Variants in HDAC9 observed in about 807,000 individuals in gnomAD.
HDAC9 encodes MEF-2 interacting transcription repressor (MITR) protein.
In HDAC9, 41 loss-of-function variants were observed where a neutral mutation model predicts 139.4. The observed-to-expected ratio is 0.29, with a 90% CI of 0.23 to 0.38. The LOEUF is 0.38. Ranked by LOEUF, HDAC9 falls within the 10% of genes least tolerant of loss-of-function variation. The pLI is 1.00. For synonymous variants in HDAC9, 517 were observed against 476.2 expected (o/e 1.09, Z -1.12); for missense variants, 1,147 against 1,297.0 (o/e 0.88, Z 1.78).
chr7:18,939,014 G>C (rs1340410886), intron 23 of HDAC9, among the ~76,000 whole-genome samples: 1 of 152,172 alleles, frequency 6.6e-6, no homozygotes, highest in East Asian at 1.9e-4. Context: ...TTTCCAGTAA[G>C]TGCTAACTGA....
intron 12 of HDAC9, chr7:18,667,725 A>G (rs1245845978): frequency 2.0e-6 from 2 of 984,598 alleles, no homozygotes; most frequent in East Asian, 1.1e-4. Context: ...ATAGTGCTTT[A>G]CTCTTTCTGT....
At chr7:18,322,136 T>C (rs1308912288) in intron 1 of HDAC9, among the ~76,000 whole-genome samples, 2 of 152,180 alleles carry the variant, frequency 1.3e-5, no homozygotes, top group Non-Finnish European at 2.9e-5. Context: ...TGTATTAAAG[T>C]AATCCCTTCT....
chr7:18,587,829 A>G (rs546633903), intron 3 of HDAC9, among the ~76,000 whole-genome samples: 2 of 152,348 alleles, frequency 1.3e-5, no homozygotes, highest in East Asian at 3.9e-4. Context: ...CATTCATGCA[A>G]TCTTTGATAA....
intron 1 of HDAC9, among the ~76,000 whole-genome samples, chr7:18,490,046 T>G (rs953770807): frequency 2.6e-5 from 4 of 152,086 alleles, no homozygotes; most frequent in African/African-American, 7.2e-5. Flanking sequence ...TTACCTAGCC[T>G]TACCTAGTCT....
intron 13 of HDAC9, among the ~76,000 whole-genome samples, chr7:18,737,116 C>T (rs1468817193): frequency 1.3e-5 from 2 of 151,258 alleles, no homozygotes; most frequent in Non-Finnish European, 2.9e-5. Flanking sequence ...CTATTTGATT[C>T]TTCTCTCTTT....
chr7:18,801,478 C>T (rs544893364), intron 17 of HDAC9, among the ~76,000 whole-genome samples: 1 of 151,944 alleles, frequency 6.6e-6, no homozygotes, highest in Non-Finnish European at 1.5e-5. Flanking sequence ...TATGCATTTC[C>T]ACATTTGGTT....
rs1012691362 is a variant in HDAC9 at position 18,261,886 on chromosome 7, A to C, written c.25+99537A>C. On this transcript the variant is annotated intron_variant, in intron 2 of 12. Transcript: ENST00000417496. ...ACATAAAATCATACAACTAAATGAA[A>C]ATCTCTCTTTCAATTCATTTTAACA... 3.3e-5 allele frequency among the ~76,000 whole-genome samples: 5 copies of C among 152,360 alleles called. No individual in the cohort carries two copies. In the Middle Eastern group the frequency reaches 0.01, roughly 311 times the overall value.
At chr7:18,733,716 G>A (rs191344699) in intron 13 of HDAC9, among the ~76,000 whole-genome samples, 9 of 151,462 alleles carry the variant, frequency 5.9e-5, no homozygotes, top group Admixed American at 6.6e-5. Context: ...TTTTTTTGGG[G>A]GTATGCTTTT....
intron 1 of HDAC9, among the ~76,000 whole-genome samples, chr7:18,144,920 T>C (rs1456385808): frequency 6.6e-6 from 1 of 152,252 alleles, no homozygotes; most frequent in Non-Finnish European, 1.5e-5. Flanking sequence ...TGTGATACTG[T>C]ATGTTTATTG....
rs1467321800 is a variant in HDAC9 at position 18,998,528 on chromosome 7, C to A, written c.*2466C>A. ...AGCATGTAGTTGTAAGAACAGAATG[C>A]CATTGCTTTTTGATTATACCATTAC... On this transcript the variant is annotated 3_prime_UTR_variant, in exon 26 of 26. Coordinates refer to ENST00000686413, the MANE Select transcript of HDAC9 (RefSeq NM_178425.4). The A allele has an allele frequency of 1.3e-5, 2 of 152,210 alleles. No individual in the cohort carries two copies. Among genetic ancestry groups the A allele is most frequent in the Non-Finnish European group, 2.9e-5 (2 of 68,048 alleles). 9.4% of individuals were successfully genotyped at this position (152,210 alleles called of 1,614,324 possible).
intron 11 of HDAC9, among the ~76,000 whole-genome samples, chr7:18,651,813 T>TA (rs1420144971): frequency 2.6e-5 from 4 of 152,152 alleles, no homozygotes; most frequent in African/African-American, 9.6e-5. Context: ...CTCTTACAGT[T>TA]ACGGTGTAAG....
At chr7:18,673,376 C>T (rs2129085042) in intron 12 of HDAC9, among the ~76,000 whole-genome samples, 1 of 152,100 alleles carries the variant, frequency 6.6e-6, no homozygotes, top group East Asian at 1.9e-4. Flanking sequence ...TTTGCTCTGT[C>T]CAAACTAGTA....
At chr7:18,945,540 G>C (rs1248901697) in intron 23 of HDAC9, among the ~76,000 whole-genome samples, 1 of 152,052 alleles carries the variant, frequency 6.6e-6, no homozygotes, top group African/African-American at 2.4e-5. Flanking sequence ...TTTGTAATCT[G>C]TTTAAGTATT....
chr7:18,811,311 A>C (rs915278929), intron 17 of HDAC9, among the ~76,000 whole-genome samples: 9 of 151,422 alleles, frequency 5.9e-5, no homozygotes, highest in African/African-American at 2.2e-4. Flanking sequence ...TTATTTTTCT[A>C]GTTTTCAAAG....
chr7:18,953,241 A>C (rs2389997), intron 23 of HDAC9, among the ~76,000 whole-genome samples: 62,874 of 151,886 alleles, frequency 0.41, 13,919 homozygotes, highest in African/African-American at 0.54. Flanking sequence ...TAGGAAAACT[A>C]CTTTTTTGTT....
At chr7:18,565,829 G>A (rs951677752) in intron 2 of HDAC9, among the ~76,000 whole-genome samples, 2 of 151,590 alleles carry the variant, frequency 1.3e-5, no homozygotes, top group African/African-American at 2.4e-5. Context: ...AGTATTCTAA[G>A]ATATTTATAA....
chr7:18,327,297 A>G (rs1237766754), intron 1 of HDAC9, among the ~76,000 whole-genome samples: 1 of 152,058 alleles, frequency 6.6e-6, no homozygotes, highest in East Asian at 1.9e-4. Flanking sequence ...CTAAAATATT[A>G]TTATTTTTTA....
At chr7:18,091,548 A>C (rs1782146230) in intron 1 of HDAC9, among the ~76,000 whole-genome samples, 1 of 152,240 alleles carries the variant, frequency 6.6e-6, no homozygotes, top group Non-Finnish European at 1.5e-5. Flanking sequence ...TAATATAAGC[A>C]TCAAATAAAT....
At chr7:18,157,788 T>C (rs1787317085) in intron 1 of HDAC9, among the ~76,000 whole-genome samples, 1 of 139,862 alleles carries the variant, frequency 7.1e-6, no homozygotes, top group African/African-American at 2.7e-5. Context: ...ACAGCAGAAT[T>C]TCAGGTTCTA....
Sources: gnomAD v4.1 joint callset for allele counts (sites outside exome capture counted in the v4.1 genomes callset) on GRCh38, gnomAD v4.1.1 for gene constraint, MANE v1.5 for transcripts, NCBI Gene and HGNC (gene_info 2026-07-23, HGNC 2026-07-21) for gene names.